LPAR6: variants seen among roughly 807,000 people sequenced by gnomAD.
LPAR6 encodes the protein G-protein coupled purinergic receptor P2Y5.
A neutral mutation model predicts 22.0 loss-of-function variants in LPAR6; 17 were observed. The observed-to-expected ratio is 0.77, with a 90% CI of 0.53 to 1.16. The LOEUF (loss-of-function observed/expected upper bound fraction) is 1.16, where lower values mean the gene tolerates loss of function less well. LPAR6 is among the 50% of genes most tolerant of loss of function. The pLI is 0.00. For synonymous variants in LPAR6, 136 were observed against 139.8 expected (o/e 0.97, Z 0.19); for missense variants, 384 against 406.9 (o/e 0.94, Z 0.48).
chr13:48,415,343 G>T (rs564031362), upstream of LPAR6, among the ~76,000 whole-genome samples: 1 of 149,180 alleles, frequency 6.7e-6, no homozygotes. Context: ...GCAGTGGTGC[G>T]ATCTTGTCTT....
chr13:48,440,781 A>T (rs1949229340), intron 1 of LPAR6, among the ~76,000 whole-genome samples: 2 of 152,222 alleles, frequency 1.3e-5, no homozygotes. Flanking sequence ...TTAAAAAATT[A>T]ATGTATTCAT....
intron 1 of LPAR6, among the ~76,000 whole-genome samples, chr13:48,396,227 C>T (rs532725091): frequency 7.9e-5 from 12 of 152,202 alleles, no homozygotes; most frequent in African/African-American, 1.4e-4. Context: ...GGAGGCATCA[C>T]GCTACTTGAC....
chr13:48,407,934 C>A (rs1347426661), downstream of LPAR6, among the ~76,000 whole-genome samples: 2 of 152,100 alleles, frequency 1.3e-5, no homozygotes, highest in Non-Finnish European at 2.9e-5. Flanking sequence ...AGTGATGCTT[C>A]TTCTTGGAAA....
At chr13:48,443,895 A>C (rs907022854) in intron 1 of LPAR6, among the ~76,000 whole-genome samples, 1 of 152,186 alleles carries the variant, frequency 6.6e-6, no homozygotes, top group Non-Finnish European at 1.5e-5. Context: ...GAACATAGTG[A>C]TGTGTAGGAA....
chr13:48,437,596 G>T (rs558649934), intron 1 of LPAR6, among the ~76,000 whole-genome samples: 1 of 152,296 alleles, frequency 6.6e-6, no homozygotes, highest in African/African-American at 2.4e-5. Context: ...TCGTGTGGTT[G>T]TTGGCAGGCC....
At chr13:48,436,178 C>T (rs957163473) in intron 1 of LPAR6, among the ~76,000 whole-genome samples, 1 of 152,122 alleles carries the variant, frequency 6.6e-6, no homozygotes, top group Admixed American at 6.5e-5. Context: ...CATCTCATAG[C>T]TGGTTGGTGA....
At chr13:48,430,314 A>G (rs1214576393), upstream of LPAR6, among the ~76,000 whole-genome samples, 1 of 152,230 alleles carries the variant, frequency 6.6e-6, no homozygotes, top group Non-Finnish European at 1.5e-5. Context: ...AGCAATTTGA[A>G]AAAAAGAGGT....
upstream of LPAR6, chr13:48,416,284 A>G (rs1363528270): frequency 6.6e-6 from 1 of 152,256 alleles, no homozygotes; most frequent in Non-Finnish European, 1.5e-5. Context: ...ATGGAAGGCG[A>G]GCCAAAGCAG....
At chr13:48,417,910 G>C (rs1948940276), upstream of LPAR6, among the ~76,000 whole-genome samples, 1 of 152,198 alleles carries the variant, frequency 6.6e-6, no homozygotes, top group Non-Finnish European at 1.5e-5. Context: ...GATTGTCCCT[G>C]TACCTGAAAG....
rs866670612 is a variant in LPAR6, at chr13:48,412,365, T to C, written c.59A>G (p.Tyr20Cys). The change falls in exon 1 of 1, where the codon TAT becomes TGT. Residue 20 changes from tyrosine (Y) to cysteine (C), a missense_variant. Physicochemically the swap from Tyr to Cys is radical, Grantham distance 194 (BLOSUM62 -2). Transcript: ENST00000620633. Reference protein sequence around the residue: ...FYNDSFKYTLYGCMFSMVFVL... With the variant: ...FYNDSFKYTLCGCMFSMVFVL... ...AAACACCATGCTGAACATGCACCCA[T>C]ACAAAGTGTACTTAAAGGAGTCATT... 2 of 1,613,824 alleles carry C rather than the reference T, an allele frequency of 1.2e-6. No individual in the cohort carries two copies. Among genetic ancestry groups the C allele is most frequent in the African/African-American group, 1.3e-5 (1 of 74,906 alleles).
chr13:48,419,145 ACTC>A (rs1433820246), intron 2 of LPAR6, among the ~76,000 whole-genome samples: 1 of 152,040 alleles, frequency 6.6e-6, no homozygotes, highest in Admixed American at 6.6e-5. Flanking sequence ...GGAGTAAAAC[ACTC>A]CTCAACAAAT....
At chr13:48,422,736 A>G (rs927537056) in exon 2 of LPAR6, 1 of 152,148 alleles carries the variant, frequency 6.6e-6, no homozygotes, top group Non-Finnish European at 1.5e-5. Flanking sequence ...TTGAGACTGC[A>G]GTGAGCTTTG....
chr13:48,396,092 A>G (rs111458207), intron 1 of LPAR6, among the ~76,000 whole-genome samples: 3 of 152,362 alleles, frequency 2.0e-5, no homozygotes, highest in African/African-American at 7.2e-5. Context: ...TATAGATTCA[A>G]TGCTATCCCC....
intron 1 of LPAR6, among the ~76,000 whole-genome samples, chr13:48,434,623 T>A (rs1469382005): frequency 1.3e-5 from 2 of 152,086 alleles, no homozygotes; most frequent in East Asian, 3.9e-4. Context: ...AGAGACACTA[T>A]TCAGGGGTTT....
chr13:48,408,007 G>C (rs572947955), downstream of LPAR6, among the ~76,000 whole-genome samples: 6 of 152,100 alleles, frequency 3.9e-5, no homozygotes, highest in South Asian at 1.2e-3. Flanking sequence ...AAAATTGTAG[G>C]ACCAAAAAGC....
chr13:48,421,723 T>A (rs1949007901), intron 2 of LPAR6, among the ~76,000 whole-genome samples: 1 of 152,194 alleles, frequency 6.6e-6, no homozygotes. Context: ...GAACTGACAC[T>A]TCTCAAAAGA....
intron 1 of LPAR6, among the ~76,000 whole-genome samples, chr13:48,425,979 G>A (rs772419606): frequency 1.3e-5 from 2 of 152,170 alleles, no homozygotes; most frequent in African/African-American, 2.4e-5. Flanking sequence ...CTCACAAGAA[G>A]TACCCAACCC....
chr13:48,403,897 A>G (rs1299959006), intron 1 of LPAR6, among the ~76,000 whole-genome samples: 2 of 152,112 alleles, frequency 1.3e-5, no homozygotes, highest in Non-Finnish European at 2.9e-5. Flanking sequence ...GCTACTTGGG[A>G]GGCTGAGGAG....
At chr13:48,430,068 T>C (rs1053198989), upstream of LPAR6, among the ~76,000 whole-genome samples, 5 of 152,238 alleles carry the variant, frequency 3.3e-5, no homozygotes, top group Non-Finnish European at 5.9e-5. Flanking sequence ...AGCAGTTTCA[T>C]TTCTAAGAAA....
Sources: gnomAD v4.1 joint callset for allele counts (sites outside exome capture counted in the v4.1 genomes callset) on GRCh38, gnomAD v4.1.1 for gene constraint, MANE v1.5 for transcripts, NCBI Gene and HGNC (gene_info 2026-07-23, HGNC 2026-07-21) for gene names.